Variants in CDH8 observed in about 807,000 individuals in gnomAD.
CDH8 encodes cadherin 8.
A neutral mutation model predicts 68.1 loss-of-function variants in CDH8; 17 were observed. The ratio of observed to expected loss-of-function variants is 0.25; its 90% CI spans 0.17 to 0.37. CDH8 has a LOEUF of 0.37. Among genes scored for constraint, CDH8 ranks in the 10% least tolerant of loss-of-function variants. The pLI is 1.00. For synonymous variants in CDH8, 372 were observed against 365.1 expected (o/e 1.02, Z -0.21); for missense variants, 763 against 999.3 (o/e 0.76, Z 3.19).
At chr16:61,729,904 A>G (rs1209441181) in intron 8 of CDH8, among the ~76,000 whole-genome samples, 1 of 151,408 alleles carries the variant, frequency 6.6e-6, no homozygotes, top group Non-Finnish European at 1.5e-5. Flanking sequence ...ACAGATTCAG[A>G]TACACTGACA....
At chr16:61,919,448 A>C (rs1349965942) in intron 2 of CDH8, among the ~76,000 whole-genome samples, 2 of 147,010 alleles carry the variant, frequency 1.4e-5, no homozygotes, top group Non-Finnish European at 3.0e-5. Flanking sequence ...AACTAGAATA[A>C]CCAATACAGA....
intron 3 of CDH8, among the ~76,000 whole-genome samples, chr16:61,862,599 T>A (rs1257724894): frequency 8.5e-5 from 13 of 152,210 alleles, no homozygotes; most frequent in Non-Finnish European, 2.9e-5. Context: ...GACTCAAGAC[T>A]GTTGATGCAC....
chr16:62,025,551 CAG>C (rs1393709858), intron 1 of CDH8, among the ~76,000 whole-genome samples: 4 of 152,158 alleles, frequency 2.6e-5, no homozygotes, highest in Non-Finnish European at 4.4e-5. Flanking sequence ...TAGCCCAACT[CAG>C]GGGAAACCTT....
At chr16:61,760,940 A>T (rs1344419048) in intron 8 of CDH8, among the ~76,000 whole-genome samples, 1 of 152,182 alleles carries the variant, frequency 6.6e-6, no homozygotes, top group African/African-American at 2.4e-5. Flanking sequence ...GACATAAACA[A>T]TGAATTTGAA....
chr16:61,959,984 GTATATATATATATATATATA>G lies in CDH8; in HGVS notation c.253-58531_253-58512del, dbSNP rs1181394965. On this transcript the variant is annotated intron_variant, in intron 2 of 11. Coordinates refer to ENST00000577390, the MANE Select transcript of CDH8 (RefSeq NM_001796.5). ...GTATGTGGTGTATGTGTGTGTGTGT[GTATATATATATATATATATA>G]TATATATATATACACACATACACAC... is the stretch of plus-strand genomic sequence containing the variant. Among the ~76,000 whole-genome samples, 14 of 44,538 alleles carry G rather than the reference GTATATATATATATATATATA, an allele frequency of 3.1e-4. 2 individuals carry two copies. The highest frequency in any genetic ancestry group is 4.0e-4 in the Non-Finnish European group (10 of 24,718). 29.2% of individuals were successfully genotyped at this position (44,538 alleles called of 152,430 possible). A position where few individuals can be genotyped will look rare whatever the true frequency, so the allele number is the denominator to read the frequency against.
Position 61,653,982 on chromosome 16 carries a change from C to A in CDH8, c.2026G>T (p.Asp676Tyr). The part of the protein sequence containing the change: ...RYDDEGGGEE[D>Y]TEAFDIATLQ... Reference sequence around the variant, plus strand: ...GTTGCAATGTCAAAAGCCTCTGTGTCCTCCTCCCCTCCTCCTTCATCATCG... The same window carrying A: ...GTTGCAATGTCAAAAGCCTCTGTGTACTCCTCCCCTCCTCCTTCATCATCG... Residue 676 changes from aspartate (D) to tyrosine (Y), a missense_variant, in exon 12 of 12, where the codon GAC becomes TAC. By Grantham distance (160) the Asp-to-Tyr change is radical (BLOSUM62 -3). Transcript: ENST00000577390. The A allele has an allele frequency of 6.2e-7, 1 of 1,614,056 alleles. No individual in the cohort carries two copies. The highest frequency in any genetic ancestry group is 8.5e-7 in the Non-Finnish European group (1 of 1,179,932).
At chr16:62,017,049 A>G (rs1901958656) in intron 2 of CDH8, among the ~76,000 whole-genome samples, 1 of 152,212 alleles carries the variant, frequency 6.6e-6, no homozygotes. Flanking sequence ...TCCTTTATTG[A>G]AAAATGCCAC....
intron 2 of CDH8, among the ~76,000 whole-genome samples, chr16:61,965,436 CAT>C (rs778725747): frequency 2.0e-4 from 31 of 152,304 alleles, no homozygotes; most frequent in African/African-American, 4.1e-4. Flanking sequence ...TTATTTCACA[CAT>C]GTTTACTAAA....
chr16:61,714,847 G>A (rs919167505), intron 9 of CDH8, among the ~76,000 whole-genome samples: 1 of 151,502 alleles, frequency 6.6e-6, no homozygotes, highest in Non-Finnish European at 1.5e-5. Flanking sequence ...AATGTTCTCA[G>A]GTTTATGATA....
chr16:61,801,093 G>A (rs1191791119), intron 7 of CDH8, among the ~76,000 whole-genome samples: 1 of 151,720 alleles, frequency 6.6e-6, no homozygotes, highest in African/African-American at 2.4e-5. Context: ...GAATACAGAA[G>A]CTTCACCAAT....
At position 61,723,190 on chromosome 16, in the gene CDH8, T is replaced by C. The variant is rs1046050522; in HGVS notation, c.1536+3904A>G. Reference sequence around the variant, plus strand: ...TATCTGAAATAAAGTCCAAGAAAGATCCTACTAAGGAGGTAAGAGTTAGAA... The same window carrying C: ...TATCTGAAATAAAGTCCAAGAAAGACCCTACTAAGGAGGTAAGAGTTAGAA... On this transcript the variant is annotated intron_variant, in intron 9 of 11. Transcript: ENST00000577390. Among the ~76,000 whole-genome samples, 20 of 150,866 alleles carry C rather than the reference T, an allele frequency of 1.3e-4. No homozygotes were observed. In the Admixed American group the frequency reaches 1.3e-3, roughly 10 times the overall value.
intron 7 of CDH8, among the ~76,000 whole-genome samples, chr16:61,800,823 C>CT (rs34120203): frequency 0.43 from 65,122 of 151,916 alleles, 14,865 homozygotes; most frequent in African/African-American, 0.59. Flanking sequence ...TCTGATTGTC[C>CT]TTATCAAAAG....
rs774249900 is a variant in CDH8, at chr16:62,021,142, C to G, written c.252+10G>C. 3.7e-6 allele frequency: 6 copies of G among 1,612,950 alleles called. No individual in the cohort carries two copies. The highest frequency in any genetic ancestry group is 5.1e-6 in the Non-Finnish European group (6 of 1,179,344). On this transcript the variant is annotated intron_variant, in intron 2 of 11. Coordinates refer to ENST00000577390, the MANE Select transcript of CDH8 (RefSeq NM_001796.5). ...GACCCTGAAATTGAGATCTTAAAAA[C>G]AAAGCTTACCCGGCCAACAAGAATC...
chr16:61,842,203 A>T (rs1403718682), intron 4 of CDH8, among the ~76,000 whole-genome samples: 1 of 151,944 alleles, frequency 6.6e-6, no homozygotes, highest in African/African-American at 2.4e-5. Flanking sequence ...CACCGCACCC[A>T]GCCAGAAATT....
chr16:61,697,512 G>C (rs1459928945), intron 10 of CDH8, among the ~76,000 whole-genome samples: 1 of 132,400 alleles, frequency 7.6e-6, no homozygotes, highest in African/African-American at 2.9e-5. Flanking sequence ...TTTTTTTTTT[G>C]AGACAGAGTC....
intron 10 of CDH8, among the ~76,000 whole-genome samples, chr16:61,677,874 T>C (rs1377660083): frequency 6.6e-6 from 1 of 151,956 alleles, no homozygotes; most frequent in African/African-American, 2.4e-5. Context: ...TGCCTCATCA[T>C]ACCCTCCTCC....
chr16:61,932,131 C>T (rs1441645040), intron 2 of CDH8, among the ~76,000 whole-genome samples: 1 of 149,916 alleles, frequency 6.7e-6, no homozygotes, highest in Non-Finnish European at 1.5e-5. Flanking sequence ...GGCGTGAACC[C>T]GGGAGGCGGA....
chr16:61,699,444 T>C (rs1340727215), intron 10 of CDH8, among the ~76,000 whole-genome samples: 1 of 152,228 alleles, frequency 6.6e-6, no homozygotes. Context: ...ATTAAATGAG[T>C]AATATAATCC....
rs974117331 is a variant in CDH8, at chr16:61,730,649, T to C, written c.1415-3434A>G. 4.0e-5 allele frequency among the ~76,000 whole-genome samples: 6 copies of C among 151,716 alleles called. No homozygotes were observed. In the South Asian group the frequency reaches 1.2e-3, roughly 31 times the overall value. ...TAACAATTACGCAAGTGTACTAAAT[T>C]AATTTGTTCTTATTTAGTTGTAGAT... On this transcript the variant is annotated intron_variant, in intron 8 of 11. Coordinates refer to ENST00000577390, the MANE Select transcript of CDH8 (RefSeq NM_001796.5).
Sources: allele counts gnomAD v4.1 joint callset (sites outside exome capture counted in the v4.1 genomes callset), GRCh38; gene constraint gnomAD v4.1.1; transcripts MANE v1.5; gene names NCBI Gene and HGNC (gene_info 2026-07-23, HGNC 2026-07-21).